CA10: variants seen among roughly 807,000 people sequenced by gnomAD.
The protein encoded by CA10 is carbonic anhydrase-related protein 10.
In CA10, 14 loss-of-function variants were observed where a neutral mutation model predicts 44.2. The observed-to-expected ratio is 0.32, with a 90% CI of 0.21 to 0.50. The LOEUF (loss-of-function observed/expected upper bound fraction) is 0.50, where lower values mean the gene tolerates loss of function less well. CA10 is among the 20% of genes least tolerant of loss of function. The probability of loss-of-function intolerance (pLI) is 0.99; values close to 1 mark genes in which losing one functional copy is unlikely to be tolerated. For missense variants in CA10, 350 were observed against 409.7 expected (o/e 0.85, Z 1.26); for synonymous variants, 159 against 141.6 (o/e 1.12, Z -0.87).
chr17:51,763,740 T>C (rs557991265), intron 3 of CA10, among the ~76,000 whole-genome samples: 1 of 151,830 alleles, frequency 6.6e-6, no homozygotes, highest in East Asian at 1.9e-4. Context: ...TTCAGTTGCT[T>C]ATATACACAC....
intron 2 of CA10, among the ~76,000 whole-genome samples, chr17:51,976,396 C>A (rs72834257): frequency 0.013 from 1,998 of 152,212 alleles, 22 homozygotes; most frequent in Non-Finnish European, 0.022. Context: ...TCAATAATCA[C>A]ATAGATTGCA....
intron 3 of CA10, among the ~76,000 whole-genome samples, chr17:51,828,536 A>G (rs1227508711): frequency 6.6e-6 from 1 of 152,160 alleles, no homozygotes; most frequent in South Asian, 2.1e-4. Flanking sequence ...TAAAAAAAAA[A>G]TTTACTGAAT....
chr17:52,119,704 A>T (rs1988972010), intron 1 of CA10, among the ~76,000 whole-genome samples: 1 of 152,242 alleles, frequency 6.6e-6, no homozygotes, highest in Admixed American at 6.5e-5. Flanking sequence ...TATGCAAATA[A>T]TCAGGCCAAG....
intron 2 of CA10, among the ~76,000 whole-genome samples, chr17:51,945,847 C>T (rs975167106): frequency 6.6e-5 from 10 of 152,132 alleles, no homozygotes; most frequent in Admixed American, 5.9e-4. Flanking sequence ...GTCACACAGT[C>T]TGAACTGCTC....
At chr17:52,097,506 T>C (rs1465888109) in intron 1 of CA10, among the ~76,000 whole-genome samples, 1 of 152,216 alleles carries the variant, frequency 6.6e-6, no homozygotes, top group Non-Finnish European at 1.5e-5. Flanking sequence ...CAGAAGTTTT[T>C]TAAAATTGAA....
chr17:51,902,800 G>T (rs1024573350), intron 3 of CA10, among the ~76,000 whole-genome samples: 22 of 152,170 alleles, frequency 1.4e-4, no homozygotes, highest in African/African-American at 5.3e-4. Context: ...CTCATTGATT[G>T]CATGCAGAGA....
chr17:51,633,719 C>G (rs942456698), intron 7 of CA10, 69 bp from the exon 8 acceptor site: 24 of 1,543,310 alleles, frequency 1.6e-5, no homozygotes, highest in Non-Finnish European at 2.0e-5. Flanking sequence ...AATAAGACCA[C>G]AGAGACTCTG....
intron 1 of CA10, among the ~76,000 whole-genome samples, chr17:52,145,448 G>A (rs375363115): frequency 1.3e-5 from 2 of 152,138 alleles, no homozygotes; most frequent in African/African-American, 4.8e-5. Context: ...TGCCACAGAA[G>A]TAGTAGTGGC....
At chr17:52,095,611 C>T (rs2143227367) in intron 1 of CA10, among the ~76,000 whole-genome samples, 1 of 152,222 alleles carries the variant, frequency 6.6e-6, no homozygotes, top group Non-Finnish European at 1.5e-5. Flanking sequence ...CCAAGGAAAA[C>T]ATTTGTCTCT....
At position 51,747,813 on chromosome 17, in the gene CA10, A is replaced by G. The variant is rs1904753720; in HGVS notation, c.285T>C (p.Ser95=). 1 of 1,608,844 alleles carries G rather than the reference A, an allele frequency of 6.2e-7. No individual in the cohort carries two copies. Among genetic ancestry groups the G allele is most frequent in the Non-Finnish European group, 8.5e-7 (1 of 1,177,598 alleles). ...GTCTTCCAGTGTTGTACATGGTCCCACTGACCTGCAAGGCAATTAGCAACA... is the reference window on the plus strand; with the variant it reads ...GTCTTCCAGTGTTGTACATGGTCCCGCTGACCTGCAAGGCAATTAGCAACA... ...LRINTGGRKV[S]GTMYNTGRHV... Residue 95 remains serine, a synonymous_variant, in exon 4 of 9, where the codon AGT becomes AGC. Coordinates refer to ENST00000451037, the MANE Select transcript of CA10 (RefSeq NM_020178.5).
chr17:51,983,331 A>T (rs1310134152), intron 2 of CA10, among the ~76,000 whole-genome samples: 1 of 151,828 alleles, frequency 6.6e-6, no homozygotes, highest in Non-Finnish European at 1.5e-5. Flanking sequence ...TTTCCTAAAA[A>T]CAAATTGGGG....
intron 3 of CA10, among the ~76,000 whole-genome samples, chr17:51,882,633 A>T (rs1394767771): frequency 6.6e-6 from 1 of 152,168 alleles, no homozygotes; most frequent in Non-Finnish European, 1.5e-5. Flanking sequence ...TGGTACTCAT[A>T]GGGTGATGCT....
chr17:51,924,537 C>A (rs920563954), intron 3 of CA10, among the ~76,000 whole-genome samples: 1 of 152,152 alleles, frequency 6.6e-6, no homozygotes, highest in African/African-American at 2.4e-5. Context: ...CCATTTGGAT[C>A]CATCTTTACC....
chr17:52,092,681 C>G (rs989500173), intron 1 of CA10, among the ~76,000 whole-genome samples: 41 of 152,140 alleles, frequency 2.7e-4, no homozygotes, highest in African/African-American at 9.2e-4. Context: ...TTTTTCACTT[C>G]CTGCAACCTG....
chr17:51,809,551 A>G (rs9910356), intron 3 of CA10, among the ~76,000 whole-genome samples: 3,849 of 152,260 alleles, frequency 0.025, 161 homozygotes, highest in African/African-American at 0.087. Context: ...TGCTCTTTGT[A>G]GCACATCCAG....
At chr17:52,080,461 T>C (rs1987943362) in intron 1 of CA10, among the ~76,000 whole-genome samples, 1 of 115,934 alleles carries the variant, frequency 8.6e-6, no homozygotes, top group African/African-American at 4.3e-5. Context: ...CAAAAATAAA[T>C]AAATAAATAA....
At chr17:52,106,833 G>A (rs1051755667) in intron 1 of CA10, among the ~76,000 whole-genome samples, 1 of 152,042 alleles carries the variant, frequency 6.6e-6, no homozygotes, top group Admixed American at 6.5e-5. Flanking sequence ...TAACTTGATC[G>A]CCCTCTACTG....
At chr17:51,825,724 T>C (rs975774053) in intron 3 of CA10, among the ~76,000 whole-genome samples, 1 of 152,204 alleles carries the variant, frequency 6.6e-6, no homozygotes, top group African/African-American at 2.4e-5. Flanking sequence ...CTCTCTCCCA[T>C]TTTTGCTCAT....
At chr17:51,885,865 C>T (rs1980576584) in intron 3 of CA10, among the ~76,000 whole-genome samples, 1 of 152,214 alleles carries the variant, frequency 6.6e-6, no homozygotes, top group Non-Finnish European at 1.5e-5. Context: ...CCTTCTTAAG[C>T]TTTGAAGTAA....
Sources: allele counts gnomAD v4.1 joint callset (sites outside exome capture counted in the v4.1 genomes callset), GRCh38; gene constraint gnomAD v4.1.1; transcripts MANE v1.5; gene names NCBI Gene and HGNC (gene_info 2026-07-23, HGNC 2026-07-21).